Variants in RAD21 observed in about 807,000 individuals in gnomAD.
The protein encoded by RAD21 is double-strand-break repair protein rad21 homolog.
RAD21 carries 18 observed loss-of-function variants against 71.5 expected under a neutral mutation model. The observed-to-expected ratio is 0.25, with a 90% CI of 0.17 to 0.37. The LOEUF (loss-of-function observed/expected upper bound fraction) is 0.37, where lower values mean the gene tolerates loss of function less well. Ranked by LOEUF, RAD21 falls within the 10% of genes least tolerant of loss-of-function variation. RAD21 has a pLI of 1.00. For synonymous variants in RAD21, 248 were observed against 254.0 expected (o/e 0.98, Z 0.22); for missense variants, 493 against 769.1 (o/e 0.64, Z 4.25).
chr8:116,859,343 A>T (rs1173209555), intron 4 of RAD21, among the ~76,000 whole-genome samples: 1 of 152,046 alleles, frequency 6.6e-6, no homozygotes, highest in Non-Finnish European at 1.5e-5. Context: ...GCTATTTAAA[A>T]ATTTTTCATT....
At chr8:116,849,187 G>A in intron 12 of RAD21, 158 bp from the exon 13 acceptor site, 1 of 502,810 alleles carries the variant, frequency 2.0e-6, no homozygotes. Context: ...TTAGCATTTA[G>A]AGTACAAACT....
intron 4 of RAD21, among the ~76,000 whole-genome samples, chr8:116,859,593 C>T (rs1469252564): frequency 1.3e-5 from 2 of 152,004 alleles, no homozygotes; most frequent in African/African-American, 4.8e-5. Context: ...ACAAAGGATG[C>T]CCAAATAATA....
chr8:116,866,801 C>T, intron 1 of RAD21, 40 bp from the exon 2 acceptor site: 1 of 1,374,482 alleles, frequency 7.3e-7, no homozygotes, highest in South Asian at 1.7e-5. Context: ...CATCATCTGA[C>T]AATTTAAATA....
intron 10 of RAD21, 39 bp downstream of exon 10, chr8:116,852,510 A>C (rs1812371999): frequency 6.4e-7 from 1 of 1,552,842 alleles, no homozygotes; most frequent in African/African-American, 1.4e-5. Flanking sequence ...CCAAATACTC[A>C]TGTGAACTTC....
rs537440429 is a variant in RAD21 at position 116,858,653 on chromosome 8, A to C, written c.375-195T>G. ...GTGATTTGGAAATTAACTTGTATTT[A>C]AATTTGAAAAGCATCAATAATCAGC... On this transcript the variant is annotated intron_variant, in intron 4 of 13. Transcript: ENST00000297338. Among the ~76,000 whole-genome samples the C allele has an allele frequency of 6.6e-5, 10 of 152,326 alleles. No homozygotes were observed. In the East Asian group the frequency reaches 1.9e-3, roughly 29 times the overall value.
At chr8:116,865,871 G>C (rs1403604118) in intron 2 of RAD21, among the ~76,000 whole-genome samples, 1 of 152,026 alleles carries the variant, frequency 6.6e-6, no homozygotes, top group East Asian at 1.9e-4. Flanking sequence ...CTCACACACA[G>C]ATAATCTTCC....
rs1184536083 is a variant in RAD21, at chr8:116,852,619, G to A, written c.1251C>T (p.Leu417=). ...GAACCTCTGGATTTTCAAATTCTTT[G>A]AGGAATTCATCCAAATTATCTGCCT... is the stretch of plus-strand genomic sequence containing the variant. ...GGEADNLDEF[L]KEFENPEVPR... is the part of the protein sequence containing the mutation. The change falls in exon 10 of 14, where the codon CTC becomes CTT. Residue 417 remains leucine (L), a synonymous_variant. Transcript: ENST00000297338. 32 of 1,612,914 alleles carry A rather than the reference G, an allele frequency of 2.0e-5. No individual in the cohort carries two copies. The highest frequency in any genetic ancestry group is 2.5e-5 in the Non-Finnish European group (29 of 1,179,606).
chr8:116,852,369 A>T (rs2241981), intron 10 of RAD21, 180 bp downstream of exon 10: 1 of 734,636 alleles, frequency 1.4e-6, no homozygotes, highest in African/African-American at 1.8e-5. Flanking sequence ...GAACCTTAAA[A>T]CTCTGGAAAG....
rs934996855 is a variant in RAD21 at position 116,856,159 on chromosome 8, T to C, written c.937+7A>G. On this transcript the variant is annotated splice_region_variant and intron_variant, in intron 8 of 13. Coordinates refer to ENST00000297338, the MANE Select transcript of RAD21 (RefSeq NM_006265.3). Reference sequence around the variant, plus strand: ...TGCTGTATAAATCTAAAGGTTCATATGCTTACCAGTTATATCAATAGGCTC... The same window carrying C: ...TGCTGTATAAATCTAAAGGTTCATACGCTTACCAGTTATATCAATAGGCTC... 2.4e-5 allele frequency: 38 copies of C among 1,608,218 alleles called. No individual in the cohort carries two copies. The highest frequency in any genetic ancestry group is 1.7e-4 in the Middle Eastern group (1 of 6,046).
intron 1 of RAD21, among the ~76,000 whole-genome samples, chr8:116,870,337 G>T: frequency 6.6e-6 from 1 of 152,034 alleles, no homozygotes; most frequent in African/African-American, 2.4e-5. Flanking sequence ...GACCACCCTG[G>T]TCAATATAGC....
intron 4 of RAD21, 37 bp from the exon 5 acceptor site, chr8:116,858,495 C>A (rs1812517981): frequency 1.3e-6 from 2 of 1,522,914 alleles, no homozygotes; most frequent in Non-Finnish European, 9.0e-7. Flanking sequence ...AGTTTCAAGT[C>A]TATGTATAAG....
intron 3 of RAD21, among the ~76,000 whole-genome samples, chr8:116,862,219 A>G (rs1812605463): frequency 6.6e-6 from 1 of 152,154 alleles, no homozygotes; most frequent in Non-Finnish European, 1.5e-5. Flanking sequence ...ATTAAACATG[A>G]TATTTATGAG....
chr8:116,852,446 A>T (rs929700249), intron 10 of RAD21, 103 bp downstream of exon 10: 129 of 1,230,690 alleles, frequency 1.0e-4, no homozygotes, highest in Non-Finnish European at 1.4e-4. Context: ...ACATTTGAGT[A>T]TATCTTTGAT....
chr8:116,852,483 T>A, intron 10 of RAD21, 66 bp downstream of exon 10: 1 of 1,455,128 alleles, frequency 6.9e-7, no homozygotes, highest in Non-Finnish European at 9.3e-7. Flanking sequence ...TCTGACAGTA[T>A]AAAGGTAAAT....
chr8:116,862,438 T>C (rs888773356), intron 3 of RAD21, among the ~76,000 whole-genome samples: 3 of 152,112 alleles, frequency 2.0e-5, no homozygotes. Context: ...TTAAGTATTG[T>C]AGTCTTTTTC....
chr8:116,874,538 C>G (rs1268957661), intron 1 of RAD21, 73 bp downstream of exon 1: 2 of 277,078 alleles, frequency 7.2e-6, no homozygotes, highest in Non-Finnish European at 1.4e-5. Flanking sequence ...TCCGGCTCCC[C>G]GACGGCAGAG....
chr8:116,855,499 T>A (rs1006313763), intron 8 of RAD21, among the ~76,000 whole-genome samples: 2 of 152,258 alleles, frequency 1.3e-5, no homozygotes, highest in East Asian at 1.9e-4. Context: ...TTTTTAAATT[T>A]AAAAAAATTT....
Position 116,847,108 on chromosome 8 carries a change from T to A in RAD21, c.*392A>T, listed in dbSNP as rs1812265863. On this transcript the variant is annotated 3_prime_UTR_variant, in exon 14 of 14. Transcript: ENST00000297338. ...TCTTGTCAAAGACTTACACCATAGT[T>A]TTAAATTAAACTGTCAGGCATTTTC... The A allele has an allele frequency of 4.2e-6, 1 of 236,630 alleles. No homozygotes were observed. Among genetic ancestry groups the A allele is most frequent in the African/African-American group, 2.2e-5 (1 of 45,408 alleles). 14.7% of individuals were successfully genotyped at this position (236,630 alleles called of 1,614,324 possible).
At chr8:116,857,505 A>T in intron 5 of RAD21, 32 bp from the exon 6 acceptor site, 1 of 1,556,612 alleles carries the variant, frequency 6.4e-7, no homozygotes, top group Non-Finnish European at 8.8e-7. Context: ...ATTAGTTTAG[A>T]AAGATTAGAA....
Sources: allele counts gnomAD v4.1 joint callset (sites outside exome capture counted in the v4.1 genomes callset), GRCh38; gene constraint gnomAD v4.1.1; transcripts MANE v1.5; gene names NCBI Gene and HGNC (gene_info 2026-07-23, HGNC 2026-07-21).